GMDS: variants seen among roughly 807,000 people sequenced by gnomAD.
GMDS encodes GDP-mannose 4,6-dehydratase.
In GMDS, 20 loss-of-function variants were observed where a neutral mutation model predicts 49.9. That is an observed-to-expected ratio of 0.40 (90% CI 0.28 to 0.58). The LOEUF (loss-of-function observed/expected upper bound fraction) is 0.58, where lower values mean the gene tolerates loss of function less well. Ranked by LOEUF, GMDS falls within the 20% of genes least tolerant of loss-of-function variation. GMDS has a pLI of 0.42. For missense variants in GMDS, 362 were observed against 481.4 expected (o/e 0.75, Z 2.32); for synonymous variants, 177 against 178.6 (o/e 0.99, Z 0.07).
chr6:2,222,216 T>C (rs900638742), intron 1 of GMDS, among the ~76,000 whole-genome samples: 1 of 152,154 alleles, frequency 6.6e-6, no homozygotes, highest in Non-Finnish European at 1.5e-5. Context: ...TGATCTGGGA[T>C]TGAGTTTTGG....
intron 6 of GMDS, among the ~76,000 whole-genome samples, chr6:1,954,982 T>C (rs1763554859): frequency 6.6e-6 from 1 of 151,906 alleles, no homozygotes; most frequent in South Asian, 2.1e-4. Flanking sequence ...AAACCAAAGA[T>C]CACTGATCAC....
intron 1 of GMDS, among the ~76,000 whole-genome samples, chr6:2,226,260 T>A (rs1780809926): frequency 6.6e-6 from 1 of 152,148 alleles, no homozygotes; most frequent in Non-Finnish European, 1.5e-5. Context: ...ATGAAACCCG[T>A]GAAGTCAGAG....
chr6:1,952,003 T>C, intron 6 of GMDS: 1 of 980,186 alleles, frequency 1.0e-6, no homozygotes, highest in Non-Finnish European at 1.2e-6. Context: ...CGTATATATG[T>C]TATTTCCACA....
At chr6:2,171,946 G>A (rs1455112595) in intron 1 of GMDS, among the ~76,000 whole-genome samples, 3 of 152,162 alleles carry the variant, frequency 2.0e-5, no homozygotes, top group Non-Finnish European at 4.4e-5. Context: ...ATAAATGGCA[G>A]AGAAACAACT....
chr6:1,674,924 T>C (rs926153985), intron 9 of GMDS, among the ~76,000 whole-genome samples: 3 of 151,900 alleles, frequency 2.0e-5, no homozygotes, highest in African/African-American at 7.3e-5. Flanking sequence ...TAAATTACAT[T>C]GTTTTAAATT....
chr6:2,043,659 A>C (rs925766233), intron 4 of GMDS, among the ~76,000 whole-genome samples: 4 of 152,244 alleles, frequency 2.6e-5, no homozygotes, highest in African/African-American at 9.6e-5. Flanking sequence ...TGATACTCAC[A>C]CTATATTTCT....
At chr6:1,824,421 C>T (rs1350642383) in intron 7 of GMDS, among the ~76,000 whole-genome samples, 1 of 152,192 alleles carries the variant, frequency 6.6e-6, no homozygotes, top group African/African-American at 2.4e-5. Context: ...CGCCCCGCCC[C>T]CCATACAAAA....
At chr6:2,157,903 G>C (rs1443817819) in intron 1 of GMDS, among the ~76,000 whole-genome samples, 1 of 152,116 alleles carries the variant, frequency 6.6e-6, no homozygotes, top group African/African-American at 2.4e-5. Flanking sequence ...AATACAGATG[G>C]TCTATGTGAC....
intron 7 of GMDS, among the ~76,000 whole-genome samples, chr6:1,908,743 G>A (rs1337016209): frequency 6.6e-6 from 1 of 152,206 alleles, no homozygotes; most frequent in African/African-American, 2.4e-5. Context: ...CTTCCCTACG[G>A]CTGTTTGCTC....
At chr6:1,876,349 C>T (rs907801281) in intron 7 of GMDS, among the ~76,000 whole-genome samples, 5 of 152,044 alleles carry the variant, frequency 3.3e-5, no homozygotes, top group South Asian at 2.1e-4. Flanking sequence ...GAAAAAAAGA[C>T]GTGTTTGAAG....
chr6:2,055,223 A>C (rs73412554), intron 4 of GMDS, among the ~76,000 whole-genome samples: 2 of 151,888 alleles, frequency 1.3e-5, no homozygotes, highest in Non-Finnish European at 2.9e-5. Context: ...GGACAATATT[A>C]TAACATTCTT....
At chr6:2,010,176 A>T (rs745484492) in intron 4 of GMDS, among the ~76,000 whole-genome samples, 2 of 151,932 alleles carry the variant, frequency 1.3e-5, no homozygotes, top group Non-Finnish European at 2.9e-5. Flanking sequence ...AAAATACAAA[A>T]ATTAGCCAGG....
intron 9 of GMDS, among the ~76,000 whole-genome samples, chr6:1,670,604 C>T (rs1367695001): frequency 6.6e-5 from 10 of 152,122 alleles, no homozygotes; most frequent in Non-Finnish European, 8.8e-5. Flanking sequence ...AGAATATTTT[C>T]TAAGTGGCTC....
chr6:2,038,264 C>T (rs954950665), intron 4 of GMDS, among the ~76,000 whole-genome samples: 11 of 152,292 alleles, frequency 7.2e-5, no homozygotes, highest in South Asian at 2.1e-4. Context: ...TGACAGACTG[C>T]GAACTGGGAC....
At chr6:1,626,025 C>G (rs1762840987) in intron 9 of GMDS, 1 of 152,364 alleles carries the variant, frequency 6.6e-6, no homozygotes, top group East Asian at 1.9e-4. Context: ...TTCAGACTTC[C>G]CTGAAACTTG....
rs547806175 is a variant in GMDS at position 1,857,824 on chromosome 6, C to T, written c.771+72279G>A. ...CATTCTGACAGTCTAGAAGTTGCCACCCTTGTTAGGAACTGCATTTCTGTG... is the reference window on the plus strand; with the variant it reads ...CATTCTGACAGTCTAGAAGTTGCCATCCTTGTTAGGAACTGCATTTCTGTG... On this transcript the variant is annotated intron_variant, in intron 7 of 10. Coordinates refer to ENST00000380815, the MANE Select transcript of GMDS (RefSeq NM_001500.4). 1.1e-4 allele frequency among the ~76,000 whole-genome samples: 16 copies of T among 152,262 alleles called. No individual in the cohort carries two copies. In the East Asian group the frequency reaches 2.9e-3, roughly 28 times the overall value.
chr6:1,738,136 TAC>T (rs202212298), intron 8 of GMDS, among the ~76,000 whole-genome samples: 9 of 108,316 alleles, frequency 8.3e-5, no homozygotes, highest in African/African-American at 1.5e-4. Context: ...CATACACACA[TAC>T]ACACACAGAT....
At chr6:1,734,593 G>C (rs1766938871) in intron 8 of GMDS, among the ~76,000 whole-genome samples, 1 of 152,246 alleles carries the variant, frequency 6.6e-6, no homozygotes, top group African/African-American at 2.4e-5. Flanking sequence ...AGCCAGAAAG[G>C]TGTGGTGCCC....
chr6:1,784,526 AGAG>A (rs1337059685), intron 7 of GMDS, among the ~76,000 whole-genome samples: 1 of 151,214 alleles, frequency 6.6e-6, no homozygotes, highest in Non-Finnish European at 1.5e-5. Flanking sequence ...CAGAGGGGAG[AGAG>A]GAGACAGCAG....
Sources: allele counts gnomAD v4.1 joint callset (sites outside exome capture counted in the v4.1 genomes callset), GRCh38; gene constraint gnomAD v4.1.1; transcripts MANE v1.5; gene names NCBI Gene and HGNC (gene_info 2026-07-23, HGNC 2026-07-21).